The following CFAP20DC variants were observed in gnomAD, a reference collection of about 807,000 sequenced individuals.
CFAP20DC encodes CFAP20 domain containing.
A neutral mutation model predicts 101.7 loss-of-function variants in CFAP20DC; 84 were observed. The observed-to-expected ratio is 0.83, with a 90% CI of 0.69 to 0.99. CFAP20DC has a LOEUF of 0.99. CFAP20DC is among the 50% of genes least tolerant of loss of function. CFAP20DC has a pLI of 0.00. For synonymous variants in CFAP20DC, 359 were observed against 351.2 expected, an observed-to-expected ratio of 1.02 and a Z score of -0.25; for missense variants, 1,007 against 970.3, an observed-to-expected ratio of 1.04 and a Z score of -0.50.
rs1276463172 is a variant in CFAP20DC, at chr3:59,014,624, G to A, written c.278+24933C>T. 6.6e-6 allele frequency among the ~76,000 whole-genome samples: 1 copy of A among 152,084 alleles called. No individual in the cohort carries two copies. Among genetic ancestry groups the A allele is most frequent in the Non-Finnish European group, 1.5e-5 (1 of 68,004 alleles). ...TGCTGCTGCCTTTAATTATCTCAAT[G>A]GCTGTCAAAAAATGAGTCTGTTAAG... On this transcript the variant is annotated intron_variant, in intron 4 of 16. Transcript: ENST00000482387. This position sits in a 1 kb window ranked among gnomAD's most constrained non-coding sequence, Gnocchi z 4.9.
At chr3:58,739,712 T>A (rs2067839485), downstream of CFAP20DC, among the ~76,000 whole-genome samples, 1 of 152,214 alleles carries the variant, frequency 6.6e-6, no homozygotes, top group African/African-American at 2.4e-5. Context: ...GGCATCGGTA[T>A]TTTTATTAAC....
At chr3:58,789,373 C>T (rs1027917786) in intron 15 of CFAP20DC, among the ~76,000 whole-genome samples, 1 of 152,104 alleles carries the variant, frequency 6.6e-6, no homozygotes, top group African/African-American at 2.4e-5. Flanking sequence ...GCTCTCTGGG[C>T]TTTTGTAAAG....
chr3:58,718,066 G>A (rs2067421159), intron 3 of CFAP20DC, among the ~76,000 whole-genome samples: 1 of 152,140 alleles, frequency 6.6e-6, no homozygotes, highest in Admixed American at 6.5e-5. Context: ...ACTTATTGGA[G>A]GCCAATTTTG....
At chr3:58,778,383 C>T (rs1012237959) in intron 15 of CFAP20DC, among the ~76,000 whole-genome samples, 8 of 152,262 alleles carry the variant, frequency 5.3e-5, no homozygotes, top group South Asian at 4.1e-4. Context: ...TATTCCTCTT[C>T]GGGTGTGAGG....
chr3:58,837,271 C>T (rs2076801071), intron 13 of CFAP20DC, among the ~76,000 whole-genome samples: 1 of 152,068 alleles, frequency 6.6e-6, no homozygotes, highest in Non-Finnish European at 1.5e-5. Flanking sequence ...AAATGGAAAT[C>T]GCCCACATGC....
chr3:58,866,781 A>G (rs1303988087), intron 10 of CFAP20DC, 93 bp from the exon 11 acceptor site: 1 of 807,834 alleles, frequency 1.2e-6, no homozygotes, highest in Non-Finnish European at 1.9e-6. Flanking sequence ...ATACTTTACT[A>G]TTTGATCATT....
At chr3:59,043,730 G>C (rs1296019645) in intron 3 of CFAP20DC, among the ~76,000 whole-genome samples, 1 of 152,106 alleles carries the variant, frequency 6.6e-6, no homozygotes, top group Non-Finnish European at 1.5e-5. Context: ...ATGTGTGACA[G>C]AGCTGCTCCT....
At chr3:58,871,320 C>G (rs529607208) in intron 7 of CFAP20DC, among the ~76,000 whole-genome samples, 1 of 152,156 alleles carries the variant, frequency 6.6e-6, no homozygotes, top group African/African-American at 2.4e-5. Flanking sequence ...CTGAAAAGAG[C>G]CTTAAAATGT....
chr3:58,768,149 C>T (rs1426827419), intron 15 of CFAP20DC, among the ~76,000 whole-genome samples: 1 of 152,128 alleles, frequency 6.6e-6, no homozygotes, highest in Non-Finnish European at 1.5e-5. Context: ...CAGAGGTGGA[C>T]ACCCAACCTA....
intron 5 of CFAP20DC, among the ~76,000 whole-genome samples, chr3:58,932,798 A>G (rs1382556253): frequency 1.3e-5 from 2 of 152,364 alleles, no homozygotes; most frequent in Admixed American, 6.5e-5. Context: ...AGGAACAACC[A>G]GTACCAGCAA....
intron 16 of CFAP20DC, among the ~76,000 whole-genome samples, chr3:58,749,902 C>T (rs1164764600): frequency 6.6e-6 from 1 of 152,094 alleles, no homozygotes; most frequent in African/African-American, 2.4e-5. Context: ...ACACAAGTTC[C>T]AGGAAAACAC....
chr3:58,806,671 C>G (rs1448435336), intron 14 of CFAP20DC, among the ~76,000 whole-genome samples: 1 of 152,214 alleles, frequency 6.6e-6, no homozygotes, highest in Non-Finnish European at 1.5e-5. Context: ...GCATTTCCAC[C>G]TGAGGTACCG....
At chr3:59,009,812 G>C (rs2093539059) in intron 4 of CFAP20DC, among the ~76,000 whole-genome samples, 1 of 152,086 alleles carries the variant, frequency 6.6e-6, no homozygotes, top group Non-Finnish European at 1.5e-5. Context: ...AATCTTAAGA[G>C]CTGTGAAACA....
At chr3:58,827,205 C>T (rs1413122416) in intron 14 of CFAP20DC, among the ~76,000 whole-genome samples, 3 of 151,854 alleles carry the variant, frequency 2.0e-5, no homozygotes, top group Non-Finnish European at 2.9e-5. Flanking sequence ...GCTGTGAACC[C>T]AAAACGGCTC....
chr3:58,972,803 T>C (rs536061094), intron 4 of CFAP20DC, among the ~76,000 whole-genome samples: 2 of 152,314 alleles, frequency 1.3e-5, no homozygotes, highest in Admixed American at 1.3e-4. Flanking sequence ...TTTGTGCCAA[T>C]GTTCAAAGCA....
intron 4 of CFAP20DC, among the ~76,000 whole-genome samples, chr3:58,962,293 CTATT>C (rs1271612050): frequency 3.3e-5 from 5 of 152,188 alleles, no homozygotes. Context: ...AAGACACACA[CTATT>C]TAATTTATAA....
At chr3:58,990,729 ATT>A (rs2108612794) in intron 4 of CFAP20DC, among the ~76,000 whole-genome samples, 1 of 150,068 alleles carries the variant, frequency 6.7e-6, no homozygotes, top group Admixed American at 6.6e-5. Context: ...TGAATTTCAG[ATT>A]TTCAGATTTA....
chr3:58,848,015 T>G (rs1304078011), intron 13 of CFAP20DC, among the ~76,000 whole-genome samples: 3 of 112,734 alleles, frequency 2.7e-5, no homozygotes, highest in Admixed American at 9.5e-5. Context: ...TGGGGACTGT[T>G]GTGGGGTGGG....
intron 14 of CFAP20DC, among the ~76,000 whole-genome samples, chr3:58,827,073 A>C (rs1391528350): frequency 6.6e-6 from 1 of 152,142 alleles, no homozygotes; most frequent in East Asian, 1.9e-4. Flanking sequence ...TAAATCCATA[A>C]AATGCACAAC....
Sources: gnomAD v4.1 joint callset for allele counts (sites outside exome capture counted in the v4.1 genomes callset) on GRCh38, gnomAD v4.1.1 for gene constraint, Gnocchi (gnomAD v3.1) non-coding constraint, MANE v1.5 for transcripts, NCBI Gene and HGNC (gene_info 2026-07-23, HGNC 2026-07-21) for gene names.